HINT3: variants seen among roughly 807,000 people sequenced by gnomAD.
HINT3 encodes the protein histidine triad nucleotide binding protein 3.
HINT3 carries 16 observed loss-of-function variants against 19.1 expected under a neutral mutation model. The ratio of observed to expected loss-of-function variants is 0.84; its 90% confidence interval spans 0.57 to 1.27. The LOEUF is 1.27. Among genes scored for constraint, HINT3 ranks in the 50% most tolerant of loss-of-function variants. HINT3 has a pLI of 0.00. For synonymous variants in HINT3, 75 were observed against 84.8 expected (o/e 0.88, Z 0.63); for missense variants, 197 against 225.8 (o/e 0.87, Z 0.82).
chr6:125,962,230 A>ATGTGTGTG (rs1788944584), intron 1 of HINT3, among the ~76,000 whole-genome samples: 1 of 35,090 alleles, frequency 2.8e-5, no homozygotes. Flanking sequence ...ATATATATAT[A>ATGTGTGTG]TATACACATA....
At chr6:125,968,949 A>G (rs1283300603) in intron 2 of HINT3, among the ~76,000 whole-genome samples, 2 of 152,164 alleles carry the variant, frequency 1.3e-5, no homozygotes, top group Non-Finnish European at 2.9e-5. Context: ...ACTTTTTCCC[A>G]TTCTGTAGGT....
At chr6:125,966,807 A>G (rs1036273899) in intron 1 of HINT3, 80 bp from the exon 2 acceptor site, 27 of 874,158 alleles carry the variant, frequency 3.1e-5, no homozygotes, top group Non-Finnish European at 7.2e-6. Flanking sequence ...TCAGACTGAG[A>G]TTAATGATAT....
At chr6:125,960,390 GGCAAAC>G (rs1365217945) in intron 1 of HINT3, among the ~76,000 whole-genome samples, 2 of 152,192 alleles carry the variant, frequency 1.3e-5, no homozygotes, top group African/African-American at 4.8e-5. Flanking sequence ...CGGGCGCAGT[GGCAAAC>G]GCCTGTAATC....
intron 1 of HINT3, among the ~76,000 whole-genome samples, chr6:125,964,440 T>C (rs1788988150): frequency 6.6e-6 from 1 of 152,194 alleles, no homozygotes; most frequent in South Asian, 2.1e-4. Context: ...TTGTTTATCC[T>C]TCCATTGTGA....
At position 125,962,263 on chromosome 6, in the gene HINT3, T is replaced by C. The variant is rs1484404618; in HGVS notation, c.202-4624T>C. On this transcript the variant is annotated intron_variant, in intron 1 of 4. Coordinates refer to ENST00000229633, the MANE Select transcript of HINT3 (RefSeq NM_138571.5). ...ATATATATATATACACACATATATA[T>C]ATATATACATACATATATATATACA... Among the ~76,000 whole-genome samples the C allele has an allele frequency of 1.8e-4, 6 of 33,128 alleles. 2 individuals carry two copies. Among genetic ancestry groups the C allele is most frequent in the African/African-American group, 8.6e-4 (5 of 5,844 alleles). 21.7% of individuals were successfully genotyped at this position (33,128 alleles called of 152,430 possible). A position where few individuals can be genotyped will look rare whatever the true frequency, so the allele number is the denominator to read the frequency against.
At chr6:125,976,835 T>C (rs1426331954) in intron 4 of HINT3, among the ~76,000 whole-genome samples, 2 of 152,176 alleles carry the variant, frequency 1.3e-5, no homozygotes, top group African/African-American at 4.8e-5. Context: ...ATCCAGATTA[T>C]ATAGTGTGAT....
In HINT3 at chr6:125,976,110, A is replaced by G. The variant is rs886528816; in HGVS notation, c.516+1137A>G. 4.6e-5 allele frequency among the ~76,000 whole-genome samples: 7 copies of G among 152,332 alleles called. No individual in the cohort carries two copies. The East Asian group carries it at 1.3e-3, about 29-fold the overall frequency. ...AATAATCATCCAATAGTATTTATTT[A>G]TCATTAGTTAATGAATGGTATTATT... is the stretch of plus-strand genomic sequence containing the variant. On this transcript the variant is annotated intron_variant, in intron 4 of 4. Coordinates refer to ENST00000229633, the MANE Select transcript of HINT3 (RefSeq NM_138571.5).
chr6:125,975,044 C>T (rs948884210), intron 4 of HINT3, 71 bp downstream of exon 4: 10 of 1,479,872 alleles, frequency 6.8e-6, no homozygotes, highest in Non-Finnish European at 9.3e-6. Flanking sequence ...GTTTTTTCTT[C>T]TCAACAGTAG....
intron 1 of HINT3, among the ~76,000 whole-genome samples, chr6:125,964,011 T>A (rs1471849795): frequency 6.6e-6 from 1 of 152,228 alleles, no homozygotes; most frequent in African/African-American, 2.4e-5. Flanking sequence ...CATTTATTTA[T>A]TCAGCAGTTT....
At chr6:125,962,492 A>G (rs1788959532) in intron 1 of HINT3, among the ~76,000 whole-genome samples, 1 of 151,932 alleles carries the variant, frequency 6.6e-6, no homozygotes, top group Non-Finnish European at 1.5e-5. Flanking sequence ...AAGAATAACT[A>G]CATAACATAA....
intron 1 of HINT3, among the ~76,000 whole-genome samples, chr6:125,962,436 T>C (rs1334550856): frequency 6.6e-6 from 1 of 151,278 alleles, no homozygotes; most frequent in East Asian, 1.9e-4. Context: ...GATGACTTGA[T>C]GTACAAGAGC....
intron 1 of HINT3, among the ~76,000 whole-genome samples, chr6:125,964,014 A>G (rs1189322289): frequency 6.6e-6 from 1 of 152,206 alleles, no homozygotes; most frequent in African/African-American, 2.4e-5. Context: ...TTATTTATTC[A>G]GCAGTTTGGC....
chr6:125,974,367 A>T (rs908144938), intron 3 of HINT3, among the ~76,000 whole-genome samples: 4 of 152,160 alleles, frequency 2.6e-5, no homozygotes, highest in African/African-American at 9.7e-5. Flanking sequence ...GACATAATTA[A>T]TCTCACTACT....
rs114068250 is a variant in HINT3, at chr6:125,966,084, A to G, written c.202-803A>G. On this transcript the variant is annotated intron_variant, in intron 1 of 4. Transcript: ENST00000229633. ...TTTAATTAATTTTTATTTAATGTAAAGTAAAAATTAAAATCAGTATAAGAT... is the reference window on the plus strand; with the variant it reads ...TTTAATTAATTTTTATTTAATGTAAGGTAAAAATTAAAATCAGTATAAGAT... 1.3e-3 allele frequency among the ~76,000 whole-genome samples: 201 copies of G among 152,370 alleles called. 1 individual carries two copies. Among genetic ancestry groups the G allele is most frequent in the African/African-American group, 4.7e-3 (194 of 41,596 alleles).
intron 1 of HINT3, among the ~76,000 whole-genome samples, chr6:125,962,233 TAC>T (rs1260784566): frequency 1.9e-4 from 4 of 20,696 alleles, no homozygotes; most frequent in Non-Finnish European, 2.9e-4. Context: ...TATATATATA[TAC>T]ACATATATAT....
At chr6:125,967,923 T>C (rs1317654322) in intron 2 of HINT3, among the ~76,000 whole-genome samples, 1 of 152,210 alleles carries the variant, frequency 6.6e-6, no homozygotes, top group Non-Finnish European at 1.5e-5. Context: ...CACCTATCAT[T>C]TTCTAAGACA....
At chr6:125,961,630 T>C (rs1322534945) in intron 1 of HINT3, among the ~76,000 whole-genome samples, 1 of 152,168 alleles carries the variant, frequency 6.6e-6, no homozygotes, top group Non-Finnish European at 1.5e-5. Context: ...GCTGAAGAGA[T>C]GAATAGCCCA....
Position 125,974,898 on chromosome 6 carries a change from TG to T in HINT3, c.442del (p.Val148PhefsTer29), listed in dbSNP as rs746161433. 7 of 1,613,898 alleles carry T rather than the reference TG, an allele frequency of 4.3e-6. No individual in the cohort carries two copies. Among genetic ancestry groups the T allele is most frequent in the Non-Finnish European group, 5.9e-6 (7 of 1,179,884 alleles). On this transcript the variant is annotated frameshift_variant, in exon 4 of 5. Transcript: ENST00000229633. LOFTEE classifies it high-confidence loss of function. ...GTTCCATTTCCCACTTGCACCTTCA[TG>T]TTCTGGCACCAGTGGATCAGCTTGG... The part of the protein sequence containing the change: ...FCSISHLHLH[V>X]LAPVDQLGFL...
intron 2 of HINT3, 93 bp downstream of exon 2, chr6:125,967,097 A>C: frequency 1.4e-6 from 1 of 737,500 alleles, no homozygotes; most frequent in South Asian, 2.1e-5. Context: ...CTAGTTAAGT[A>C]CTGTGAAAAA....
Sources: allele counts gnomAD v4.1 joint callset (sites outside exome capture counted in the v4.1 genomes callset), GRCh38; gene constraint gnomAD v4.1.1; transcripts MANE v1.5; gene names NCBI Gene and HGNC (gene_info 2026-07-23, HGNC 2026-07-21).